The following CHADL variants were observed in gnomAD, a reference collection of about 807,000 sequenced individuals.
CHADL encodes the protein chondroadherin-like protein.
Under a neutral mutation model 52.1 loss-of-function variants are expected in CHADL, and 48 were observed. That is an observed-to-expected ratio of 0.92 (90% confidence interval 0.73 to 1.17). The LOEUF (loss-of-function observed/expected upper bound fraction) is 1.17. Ranked by LOEUF, CHADL falls within the 50% of genes most tolerant of loss-of-function variation. The pLI is 0.00. For synonymous variants in CHADL, 498 were observed against 511.2 expected (o/e 0.97, Z 0.35); for missense variants, 977 against 1,035.1 (o/e 0.94, Z 0.77).
Position 41,237,931 on chromosome 22 carries a change from G to A in CHADL, c.1141C>T (p.Arg381Cys). Residue 381 changes from arginine (R) to cysteine (C), a missense_variant, in exon 3 of 6, where the codon CGC (arginine) becomes TGC (cysteine). By Grantham distance (180) the Arg-to-Cys change is radical. Transcript: ENST00000216241. Reference sequence around the variant, plus strand: ...TCCCCGGGGCCGCGCGGAGGGCCGCGCGGAGGGGCGCGGGGCCCGGCCACA... The same window carrying A: ...TCCCCGGGGCCGCGCGGAGGGCCGCACGGAGGGGCGCGGGGCCCGGCCACA... ...RAVAGPRAPP[R>C]GPPRGPGEER... 1.6e-6 allele frequency: 2 copies of A among 1,272,104 alleles called. No individual in the cohort carries two copies. Among genetic ancestry groups the A allele is most frequent in the African/African-American group, 1.6e-5 (1 of 64,096 alleles). 78.8% of individuals were successfully genotyped at this position (1,272,104 alleles called of 1,614,324 possible).
chr22:41,230,890 C>T (rs962576229), intron 5 of CHADL: 3 of 152,216 alleles, frequency 2.0e-5, no homozygotes, highest in Admixed American at 1.3e-4. Flanking sequence ...GTGTGGTGGC[C>T]TTGAGCTGCT....
chr22:41,229,816 A>G, intron 5 of CHADL, 86 bp from the exon 6 acceptor site: 1 of 1,240,898 alleles, frequency 8.1e-7, no homozygotes, highest in East Asian at 2.5e-5. Flanking sequence ...GGTGTTTCCC[A>G]GACACGCCCC....
chr22:41,230,597 G>A, intron 5 of CHADL: 1 of 329,908 alleles, frequency 3.0e-6, no homozygotes, highest in African/African-American at 2.2e-5. Flanking sequence ...AGTTGCCAGG[G>A]ATGGGGCCAC....
At chr22:41,233,124 T>A (rs2032660664) in intron 5 of CHADL, among the ~76,000 whole-genome samples, 1 of 151,948 alleles carries the variant, frequency 6.6e-6, no homozygotes, top group Non-Finnish European at 1.5e-5. Context: ...TAAAATGACA[T>A]CCTTAGGTTG....
chr22:41,232,150 A>C (rs139489), intron 5 of CHADL, among the ~76,000 whole-genome samples: 4 of 151,556 alleles, frequency 2.6e-5, no homozygotes, highest in East Asian at 1.9e-4. Flanking sequence ...GGCTAACACG[A>C]TGAAACCCTG....
Position 41,235,327 on chromosome 22 carries a change from T to C in CHADL, c.2080A>G (p.Asn694Asp). Residue 694 changes from asparagine to aspartate, a missense_variant, in exon 5 of 6, where the codon AAC becomes GAC. Physicochemically the swap from Asn to Asp is conservative, Grantham distance 23 (BLOSUM62 1). Transcript: ENST00000216241. ...GCGCAGGTGGCCCCCACCCGCAGGT[T>C]CAGCCCAGTAAGCCACCTGAAGAGA... ...LPLHRWLTGLNLRVGATCATP... is the reference protein window; with the variant it reads ...LPLHRWLTGLDLRVGATCATP... 6.4e-7 allele frequency: 1 copy of C among 1,550,882 alleles called. No individual in the cohort carries two copies. The highest frequency in any genetic ancestry group is 1.2e-5 in the South Asian group (1 of 84,046).
chr22:41,236,103 C>T (rs1409824036), intron 4 of CHADL, among the ~76,000 whole-genome samples: 1 of 152,306 alleles, frequency 6.6e-6, no homozygotes, highest in East Asian at 1.9e-4. Context: ...AACTCCTGAC[C>T]TCAGGTGATC....
In CHADL at chr22:41,237,254, C is replaced by T. The variant is rs925311613; in HGVS notation, c.1818G>A (p.Arg606=). The T allele has an allele frequency of 1.5e-5, 24 of 1,550,474 alleles. No homozygotes were observed. In the African/African-American group the frequency reaches 3.1e-4, roughly 20 times the overall value. The stretch of plus-strand genomic sequence containing the variant: ...GCTGGAAGGCTCCGTCACGCAAGGC[C>T]CTGAGTGGGTTGCCCGAGAGCTGCA... ...LELQLSGNPL[R]ALRDGAFQPV... is the part of the protein sequence containing the mutation. The change falls in exon 3 of 6, where the codon AGG becomes AGA. Residue 606 remains arginine, a synonymous_variant. Coordinates refer to ENST00000216241, the MANE Select transcript of CHADL (RefSeq NM_138481.2).
chr22:41,235,697 G>A (rs987403661), intron 4 of CHADL, among the ~76,000 whole-genome samples: 1 of 152,150 alleles, frequency 6.6e-6, no homozygotes, highest in Non-Finnish European at 1.5e-5. Flanking sequence ...AGCAGACACT[G>A]TTCAAATCAA....
rs1288925771 is a variant in CHADL, at chr22:41,238,457, C to T, written c.615G>A (p.Leu205=). 7.2e-6 allele frequency: 11 copies of T among 1,529,630 alleles called. No homozygotes were observed. The highest frequency in any genetic ancestry group is 9.6e-6 in the Non-Finnish European group (11 of 1,140,664). 94.8% of individuals were successfully genotyped at this position (1,529,630 alleles called of 1,614,324 possible). A position where few individuals can be genotyped will look rare whatever the true frequency, so the allele number is the denominator to read the frequency against. ...GTAGGCTGAGCCGTCTCAGGGCGGG[C>T]AGGCCAGCCAGGGCCTCGGGGGCCA... is the stretch of plus-strand genomic sequence containing the variant. ...SVLAPEALAG[L]PALRRLSLHH... is the part of the protein sequence containing the mutation. The change falls in exon 3 of 6, where the codon CTG becomes CTA. Residue 205 remains leucine, a synonymous_variant. Coordinates refer to ENST00000216241, the MANE Select transcript of CHADL (RefSeq NM_138481.2). This position sits in a 1 kb window ranked among gnomAD's most constrained non-coding sequence, Gnocchi z 4.9.
intron 5 of CHADL, among the ~76,000 whole-genome samples, chr22:41,232,331 CAAAAAA>C (rs58285002): frequency 7.5e-6 from 1 of 133,660 alleles, no homozygotes; most frequent in Non-Finnish European, 1.6e-5. Context: ...GACTCTGTCT[CAAAAAA>C]AAAAAAAAAA....
In CHADL at chr22:41,239,593, C is replaced by T. The variant is rs758755063; in HGVS notation, c.36G>A (p.Leu12=). 4 of 1,544,450 alleles carry T rather than the reference C, an allele frequency of 2.6e-6. No individual in the cohort carries two copies. In the South Asian group the frequency reaches 3.6e-5, roughly 14 times the overall value. ...GCAGAAGTACAAGAAGCGGCAGCACCAAGGGGACATGGGTGGAGCTCCGGG... is the reference window on the plus strand; with the variant it reads ...GCAGAAGTACAAGAAGCGGCAGCACTAAGGGGACATGGGTGGAGCTCCGGG... ...EGPRSSTHVP[L]VLPLLVLLLL... Residue 12 remains leucine (L), a synonymous_variant, in exon 2 of 6, where the codon TTG becomes TTA. Coordinates refer to ENST00000216241, the MANE Select transcript of CHADL (RefSeq NM_138481.2).
chr22:41,238,984 T>G lies in CHADL; in HGVS notation c.187-99A>C. 7.1e-7 allele frequency: 1 copy of G among 1,405,648 alleles called. No homozygotes were observed. Among genetic ancestry groups the G allele is most frequent in the East Asian group, 2.5e-5 (1 of 39,780 alleles). 87.1% of individuals were successfully genotyped at this position (1,405,648 alleles called of 1,614,324 possible). ...GAACACTCTTTTCTCCTGTCACCTT[T>G]CCCATATTTCTCTTCATCCGACCCC... is the stretch of plus-strand genomic sequence containing the variant. On this transcript the variant is annotated intron_variant, in intron 2 of 5. Coordinates refer to ENST00000216241, the MANE Select transcript of CHADL (RefSeq NM_138481.2). The surrounding 1 kb of genome is among the most constrained non-coding windows in gnomAD (Gnocchi z 4.9).
rs2032786974 is a variant in CHADL, at chr22:41,238,240, G to C, written c.832C>G (p.Pro278Ala). ...CGGAGGTCGAGGGTGTGCAGGCGCGGACAGTGTGCGAAGGCCCTGGGACCC... is the reference window on the plus strand; with the variant it reads ...CGGAGGTCGAGGGTGTGCAGGCGCGCACAGTGTGCGAAGGCCCTGGGACCC... ...ALGPRAFAHC[P>A]RLHTLDLRGN... Residue 278 changes from proline to alanine, a missense_variant, in exon 3 of 6, where the codon CCG (proline) becomes GCG (alanine). Coordinates refer to ENST00000216241, the MANE Select transcript of CHADL (RefSeq NM_138481.2). This position sits in a 1 kb window ranked among gnomAD's most constrained non-coding sequence, Gnocchi z 4.9. 2 of 1,530,436 alleles carry C rather than the reference G, an allele frequency of 1.3e-6. No homozygotes were observed. The highest frequency in any genetic ancestry group is 1.7e-6 in the Non-Finnish European group (2 of 1,145,062). The allele number at this position is 1,530,436 out of a possible 1,614,324, so 94.8% of individuals were successfully genotyped here.
chr22:41,236,036 T>A (rs1295956601), intron 4 of CHADL, among the ~76,000 whole-genome samples: 2 of 152,186 alleles, frequency 1.3e-5, no homozygotes, highest in Non-Finnish European at 2.9e-5. Context: ...CACGCCCAGC[T>A]AATTTTTGTA....
In CHADL at chr22:41,239,493, C is replaced by T. The variant is rs893351091; in HGVS notation, c.136G>A (p.Val46Ile). ...GTGAGGTTCTGGTACCGGCAGGCAACGTGTCGCCTGGAGTTGTCACAGATG... is the reference window on the plus strand; with the variant it reads ...GTGAGGTTCTGGTACCGGCAGGCAATGTGTCGCCTGGAGTTGTCACAGATG... ...ACICDNSRRH[V>I]ACRYQNLTEV... The change falls in exon 2 of 6, where the codon GTT (valine) becomes ATT (isoleucine). Residue 46 changes from valine (V) to isoleucine (I), a missense_variant. Transcript: ENST00000216241. 3.3e-5 allele frequency: 51 copies of T among 1,550,486 alleles called. No individual in the cohort carries two copies. The highest frequency in any genetic ancestry group is 3.9e-5 in the Non-Finnish European group (45 of 1,146,834).
Position 41,237,327 on chromosome 22 carries a change from C to T in CHADL, c.1745G>A (p.Arg582Gln), listed in dbSNP as rs1285909419. 1 of 1,550,662 alleles carries T rather than the reference C, an allele frequency of 6.4e-7. No individual in the cohort carries two copies. The highest frequency in any genetic ancestry group is 1.2e-5 in the South Asian group (1 of 84,064). The change falls in exon 3 of 6, where the codon CGA becomes CAA. Residue 582 changes from arginine to glutamine, a missense_variant. Transcript: ENST00000216241. ...CTCCAAGGCCCCAGTGGGCACCTCT[C>T]GCAGCTGATTCCTGTCCAGGTGCAG... ...EKLHLDRNQLREVPTGALEGL... is the reference protein window; with the variant it reads ...EKLHLDRNQLQEVPTGALEGL...
chr22:41,240,823 C>A (rs1347224635), intron 1 of CHADL, 51 bp downstream of exon 1: 1 of 1,549,108 alleles, frequency 6.5e-7, no homozygotes, highest in Non-Finnish European at 8.7e-7. Context: ...TTACCTGAGG[C>A]CACTGAGCTG....
At position 41,238,319 on chromosome 22, in the gene CHADL, C is replaced by T. The variant is rs1327124045; in HGVS notation, c.753G>A (p.Leu251=). Residue 251 remains leucine (L), a synonymous_variant, in exon 3 of 6, where the codon CTG becomes CTA. Coordinates refer to ENST00000216241, the MANE Select transcript of CHADL (RefSeq NM_138481.2). The surrounding 1 kb of genome is among the most constrained non-coding windows in gnomAD (Gnocchi z 4.9). ...PLTYAGEEDG[L]ALPGLRELLL... ...GCAGCTCCCGCAGGCCGGGCAGCGC[C>T]AGCCCGTCCTCCTCGCCCGCGTAGG... 1 of 1,524,132 alleles carries T rather than the reference C, an allele frequency of 6.6e-7. No homozygotes were observed. The highest frequency in any genetic ancestry group is 2.5e-5 in the East Asian group (1 of 40,578). 94.4% of individuals were successfully genotyped at this position (1,524,132 alleles called of 1,614,324 possible).
Sources: allele counts gnomAD v4.1 joint callset (sites outside exome capture counted in the v4.1 genomes callset), GRCh38; gene constraint gnomAD v4.1.1; non-coding constraint Gnocchi (gnomAD v3.1); transcripts MANE v1.5; gene names NCBI Gene and HGNC (gene_info 2026-07-23, HGNC 2026-07-21).